METTL15: variants seen among roughly 807,000 people sequenced by gnomAD.
The protein encoded by METTL15 is methyltransferase 15, mitochondrial 12S rRNA N4-cytidine.
In METTL15, 34 loss-of-function variants were observed where a neutral mutation model predicts 38.3. The observed-to-expected ratio is 0.89, with a 90% CI of 0.68 to 1.18. METTL15 has a LOEUF of 1.18. Among genes scored for constraint, METTL15 ranks in the 50% most tolerant of loss-of-function variants. The pLI is 0.00. For synonymous variants in METTL15, 162 were observed against 170.9 expected, an observed-to-expected ratio of 0.95 and a Z score of 0.41; for missense variants, 438 against 498.4, an observed-to-expected ratio of 0.88 and a Z score of 1.15.
chr11:28,340,199 A>G (rs1849937893), intron 3 of METTL15, among the ~76,000 whole-genome samples: 1 of 152,116 alleles, frequency 6.6e-6, no homozygotes, highest in Non-Finnish European at 1.5e-5. Flanking sequence ...ATTTTTGTAC[A>G]TTTTATAATT....
Position 28,340,061 on chromosome 11 carries a change from G to A in METTL15, c.*190-12029G>A, listed in dbSNP as rs145459931. On this transcript the variant is annotated intron_variant and NMD_transcript_variant, in intron 3 of 7. Transcript: ENST00000532947. Reference sequence around the variant, plus strand: ...GAAAATATAAAACTAGCAGCTCACTGAAATTATGAAGCTGAAGGGTCAGGA... The same window carrying A: ...GAAAATATAAAACTAGCAGCTCACTAAAATTATGAAGCTGAAGGGTCAGGA... Among the ~76,000 whole-genome samples, 117 of 152,146 alleles carry A rather than the reference G, an allele frequency of 7.7e-4. 2 individuals carry two copies. The East Asian group carries it at 0.021, about 27-fold the overall frequency.
chr11:28,475,201 A>G (rs1211648075), intron 6 of METTL15, among the ~76,000 whole-genome samples: 1 of 152,194 alleles, frequency 6.6e-6, no homozygotes, highest in East Asian at 1.9e-4. Context: ...TTAGGGACTG[A>G]GTTTCTCACA....
intron 6 of METTL15, among the ~76,000 whole-genome samples, chr11:28,470,509 G>C (rs189739797): frequency 2.6e-5 from 4 of 152,098 alleles, no homozygotes; most frequent in African/African-American, 9.7e-5. Context: ...GATGAACAGA[G>C]CTGCAGCAGC....
At chr11:28,133,395 T>A (rs200526390) in intron 3 of METTL15, among the ~76,000 whole-genome samples, 1 of 152,138 alleles carries the variant, frequency 6.6e-6, no homozygotes, top group Admixed American at 6.6e-5. Context: ...ATTTGATCAA[T>A]TGAGGAAGAT....
chr11:28,174,382 C>A (rs1385207517), intron 3 of METTL15, among the ~76,000 whole-genome samples: 1 of 152,106 alleles, frequency 6.6e-6, no homozygotes, highest in Non-Finnish European at 1.5e-5. Flanking sequence ...TTATCTAATA[C>A]CGCATTGTTT....
intron 3 of METTL15, among the ~76,000 whole-genome samples, chr11:28,348,402 C>T (rs1410698021): frequency 2.0e-5 from 3 of 152,194 alleles, no homozygotes; most frequent in African/African-American, 7.2e-5. Context: ...GGGTCTCACC[C>T]TATCAGTCAG....
chr11:28,284,202 A>AT (rs1189971178), intron 4 of METTL15, among the ~76,000 whole-genome samples: 2 of 152,232 alleles, frequency 1.3e-5, no homozygotes, highest in East Asian at 3.9e-4. Flanking sequence ...GTGGTGCATC[A>AT]TTTTTTTATA....
At chr11:28,386,217 A>C (rs7124725) in intron 5 of METTL15, among the ~76,000 whole-genome samples, 150,766 of 152,016 alleles carry the variant, frequency 0.99, 74,778 homozygotes, top group Middle Eastern at 1. Flanking sequence ...ACAAGTTATA[A>C]AAAAAACAGT....
Position 28,124,063 on chromosome 11 carries a change from C to G in METTL15, c.270+10459C>G, listed in dbSNP as rs185176688. 4 of 419,008 alleles carry G rather than the reference C, an allele frequency of 9.5e-6. No individual in the cohort carries two copies. In the Admixed American group the frequency reaches 1.8e-4, roughly 18 times the overall value. 26.0% of individuals were successfully genotyped at this position (419,008 alleles called of 1,614,324 possible). Reference sequence around the variant, plus strand: ...TTCAGTAGTGTTTTGTGCAAAGTATCATGTCAGATATGGAAAGAAGGACAG... The same window carrying G: ...TTCAGTAGTGTTTTGTGCAAAGTATGATGTCAGATATGGAAAGAAGGACAG... On this transcript the variant is annotated intron_variant, in intron 3 of 6. Coordinates refer to ENST00000407364, the MANE Select transcript of METTL15 (RefSeq NM_001113528.2).
intron 3 of METTL15, among the ~76,000 whole-genome samples, chr11:28,133,125 G>A (rs978767827): frequency 5.9e-5 from 9 of 152,068 alleles, no homozygotes; most frequent in Non-Finnish European, 8.8e-5. Flanking sequence ...AGAAAAAGAC[G>A]AAAAGTAAGA....
At chr11:28,382,995 T>C (rs1331132683) in intron 5 of METTL15, among the ~76,000 whole-genome samples, 1 of 151,110 alleles carries the variant, frequency 6.6e-6, no homozygotes, top group Non-Finnish European at 1.5e-5. Flanking sequence ...GGTTCAGGGG[T>C]ACATGTGCAA....
intron 6 of METTL15, among the ~76,000 whole-genome samples, chr11:28,513,856 A>G (rs1485702886): frequency 6.6e-6 from 1 of 152,234 alleles, no homozygotes; most frequent in Non-Finnish European, 1.5e-5. Context: ...TGGGCGGGCC[A>G]GGTGTTCTTT....
At chr11:28,345,439 C>T (rs1251546332) in intron 3 of METTL15, among the ~76,000 whole-genome samples, 1 of 152,214 alleles carries the variant, frequency 6.6e-6, no homozygotes, top group Non-Finnish European at 1.5e-5. Flanking sequence ...ATCCACCCGC[C>T]TCCGTATCCC....
At chr11:28,113,737 C>T (rs1018538135) in intron 3 of METTL15, 133 bp downstream of exon 3, 9 of 885,690 alleles carry the variant, frequency 1.0e-5, no homozygotes, top group East Asian at 2.6e-5. Flanking sequence ...ATGGTTGATG[C>T]GAAAGTGATA....
chr11:28,408,358 G>C (rs1590364368), intron 5 of METTL15, among the ~76,000 whole-genome samples: 1 of 151,782 alleles, frequency 6.6e-6, no homozygotes, highest in African/African-American at 2.4e-5. Flanking sequence ...ACAACAACAA[G>C]AAAACCGTGC....
chr11:28,251,613 G>A (rs888310823), intron 4 of METTL15, among the ~76,000 whole-genome samples: 16 of 151,974 alleles, frequency 1.1e-4, no homozygotes, highest in Non-Finnish European at 1.9e-4. Context: ...ATCAACATTA[G>A]CATTATGTTG....
intron 5 of METTL15, among the ~76,000 whole-genome samples, chr11:28,378,380 G>A (rs571825976): frequency 1.2e-4 from 19 of 152,326 alleles, no homozygotes; most frequent in African/African-American, 3.8e-4. Context: ...TAAGCCTGTC[G>A]GAAAAGCGCA....
chr11:28,412,063 G>T (rs1015466838), intron 5 of METTL15, among the ~76,000 whole-genome samples: 1 of 151,976 alleles, frequency 6.6e-6, no homozygotes, highest in African/African-American at 2.4e-5. Context: ...CACCTGTAAG[G>T]GTGGCTATTA....
At chr11:28,252,974 T>C (rs1329789855) in intron 4 of METTL15, among the ~76,000 whole-genome samples, 3 of 152,174 alleles carry the variant, frequency 2.0e-5, no homozygotes, top group Non-Finnish European at 1.5e-5. Context: ...CCTCATTCAC[T>C]CTGCCTCTTG....
Sources: allele counts gnomAD v4.1 joint callset (sites outside exome capture counted in the v4.1 genomes callset), GRCh38; gene constraint gnomAD v4.1.1; transcripts MANE v1.5; gene names NCBI Gene and HGNC (gene_info 2026-07-23, HGNC 2026-07-21).